ELMO1: variants seen among roughly 807,000 people sequenced by gnomAD.
ELMO1 encodes engulfment and cell motility 1.
ELMO1 carries 26 observed loss-of-function variants against 98.9 expected under a neutral mutation model. That is an observed-to-expected ratio of 0.26 (90% CI 0.19 to 0.36). The LOEUF (loss-of-function observed/expected upper bound fraction) is 0.36, where lower values mean the gene tolerates loss of function less well. Ranked by LOEUF, ELMO1 falls within the 10% of genes least tolerant of loss-of-function variation. The pLI, the probability that ELMO1 is intolerant of heterozygous loss-of-function variation, is 1.00. For synonymous variants in ELMO1, 346 were observed against 346.0 expected (o/e 1.00, Z 0.00); for missense variants, 627 against 935.2 (o/e 0.67, Z 4.30).
chr7:37,181,844 G>A (rs750781071), intron 13 of ELMO1, among the ~76,000 whole-genome samples: 5 of 152,078 alleles, frequency 3.3e-5, no homozygotes, highest in Non-Finnish European at 5.9e-5. Flanking sequence ...TGTAACTTAT[G>A]GTTGCAACAG....
At chr7:36,913,218 G>A (rs1784456977) in intron 16 of ELMO1, among the ~76,000 whole-genome samples, 1 of 152,218 alleles carries the variant, frequency 6.6e-6, no homozygotes. Context: ...AACCTAGTAT[G>A]TGGCAAGTAC....
chr7:37,290,109 T>C (rs563500529), intron 4 of ELMO1, among the ~76,000 whole-genome samples: 2 of 152,350 alleles, frequency 1.3e-5, no homozygotes, highest in East Asian at 3.9e-4. Flanking sequence ...AAAGCATTTA[T>C]TTTATAGACT....
intron 10 of ELMO1, among the ~76,000 whole-genome samples, chr7:37,219,092 G>A (rs562699858): frequency 3.0e-4 from 46 of 152,230 alleles, no homozygotes; most frequent in African/African-American, 8.4e-4. Context: ...CCTTCCCTCC[G>A]TTTGTGCCAG....
rs182342560 is a variant in ELMO1 at position 37,190,735 on chromosome 7, G to A, written c.1086+20651C>T. On this transcript the variant is annotated intron_variant, in intron 13 of 21. Transcript: ENST00000310758. ...GGCTGGTGTCAAACTCCTGACCTCA[G>A]GTGATCTGCCCACATCAGCCTCCCA... 5.9e-5 allele frequency among the ~76,000 whole-genome samples: 9 copies of A among 152,164 alleles called. No individual in the cohort carries two copies. The East Asian group carries it at 1.8e-3, about 30-fold the overall frequency.
chr7:37,171,481 C>CTTTTTTTTTTTTTTT lies in ELMO1; in HGVS notation c.1087-38248_1087-38247insAAAAAAAAAAAAAAA, dbSNP rs71553100. Among the ~76,000 whole-genome samples, 4 of 44,292 alleles carry CTTTTTTTTTTTTTTT rather than the reference C, an allele frequency of 9.0e-5. 1 individual carries two copies. The highest frequency in any genetic ancestry group is 3.2e-4 in the Admixed American group (1 of 3,134). 29.1% of individuals were successfully genotyped at this position (44,292 alleles called of 152,430 possible). A position where few individuals can be genotyped will look rare whatever the true frequency, so the allele number is the denominator to read the frequency against. ...AGTTTATTCTTGTAACCAGGCCTTT[C>CTTTTTTTTTTTTTTT]TATTTTTTTTTTTTTTTTTTTTTTT... On this transcript the variant is annotated intron_variant, in intron 13 of 21. Transcript: ENST00000310758.
chr7:37,272,150 C>T (rs111697262), intron 4 of ELMO1, among the ~76,000 whole-genome samples: 3 of 152,248 alleles, frequency 2.0e-5, no homozygotes, highest in African/African-American at 7.2e-5. Flanking sequence ...GGCATATGAC[C>T]TGACTCCTAC....
At position 37,420,295 on chromosome 7, in the gene ELMO1, A is replaced by G. The variant is rs149501895; in HGVS notation, c.-74+28380T>C. 3.3e-5 allele frequency among the ~76,000 whole-genome samples: 5 copies of G among 152,360 alleles called. No homozygotes were observed. In the East Asian group the frequency reaches 9.6e-4, roughly 29 times the overall value. On this transcript the variant is annotated intron_variant, in intron 1 of 21. Transcript: ENST00000310758. ...GGTTTTATTAGGTAGTAAGAAGGGGAAAAACACATTTTATACTTGGACATT... is the reference window on the plus strand; with the variant it reads ...GGTTTTATTAGGTAGTAAGAAGGGGGAAAACACATTTTATACTTGGACATT...
chr7:37,248,786 G>A (rs1384238970), intron 6 of ELMO1, among the ~76,000 whole-genome samples: 1 of 152,244 alleles, frequency 6.6e-6, no homozygotes, highest in Admixed American at 6.5e-5. Flanking sequence ...GCTTTGGCCT[G>A]CACTGGACCT....
In ELMO1 at chr7:37,293,255, T is replaced by C. The variant is rs374671438; in HGVS notation, c.193-21373A>G. ...CATTGAGAATGGGCCATGATGACAA[T>C]GGCGGTTTTGTAGAATAGAAAGGGG... On this transcript the variant is annotated intron_variant, in intron 4 of 21. Coordinates refer to ENST00000310758, the MANE Select transcript of ELMO1 (RefSeq NM_014800.11). Among the ~76,000 whole-genome samples, 26 of 136,126 alleles carry C rather than the reference T, an allele frequency of 1.9e-4. No homozygotes were observed. The East Asian group carries it at 4.5e-3, about 24-fold the overall frequency. The allele number at this position is 136,126 out of a possible 152,430, so 89.3% of individuals were successfully genotyped here.
At chr7:36,868,136 T>A (rs892608591) in intron 20 of ELMO1, among the ~76,000 whole-genome samples, 1 of 152,174 alleles carries the variant, frequency 6.6e-6, no homozygotes, top group African/African-American at 2.4e-5. Flanking sequence ...AATGAATTTG[T>A]TTATTTCTCC....
At chr7:37,201,317 TAC>T (rs1563073806) in intron 13 of ELMO1, among the ~76,000 whole-genome samples, 2 of 152,202 alleles carry the variant, frequency 1.3e-5, no homozygotes, top group African/African-American at 2.4e-5. Context: ...AACCCCCAAA[TAC>T]ATTATTATTG....
chr7:37,447,993 G>A (rs1269669407), intron 1 of ELMO1, among the ~76,000 whole-genome samples: 2 of 151,842 alleles, frequency 1.3e-5, no homozygotes, highest in African/African-American at 2.4e-5. Context: ...GCTCCCCGCC[G>A]CCTCTCTCGG....
rs139797629 is a variant in ELMO1 at position 36,993,950 on chromosome 7, G to T, written c.1437+19349C>A. The stretch of plus-strand genomic sequence containing the variant: ...GAATAAGTGCTCTTGCTTATGTTTT[G>T]TGAGAGTCTATTGTGTTGGACCTCT... On this transcript the variant is annotated intron_variant, in intron 16 of 21. Coordinates refer to ENST00000310758, the MANE Select transcript of ELMO1 (RefSeq NM_014800.11). Among the ~76,000 whole-genome samples the T allele has an allele frequency of 5.6e-3, 847 of 152,288 alleles. 8 individuals carry two copies. Among genetic ancestry groups the T allele is most frequent in the African/African-American group, 0.02 (819 of 41,554 alleles).
intron 16 of ELMO1, among the ~76,000 whole-genome samples, chr7:36,943,716 T>C (rs1467185627): frequency 1.3e-5 from 2 of 152,268 alleles, no homozygotes; most frequent in African/African-American, 4.8e-5. Flanking sequence ...ATATTACTTT[T>C]AGTTTTCAGA....
At chr7:37,252,560 C>T (rs1795410376) in intron 6 of ELMO1, among the ~76,000 whole-genome samples, 2 of 152,192 alleles carry the variant, frequency 1.3e-5, no homozygotes, top group Non-Finnish European at 2.9e-5. Context: ...CACTTCCTTA[C>T]ACCTTATACA....
intron 13 of ELMO1, among the ~76,000 whole-genome samples, chr7:37,139,277 A>G (rs1446397279): frequency 6.6e-6 from 1 of 152,230 alleles, no homozygotes; most frequent in Non-Finnish European, 1.5e-5. Context: ...GAGGAAGTCA[A>G]ATTGTCACTG....
intron 4 of ELMO1, among the ~76,000 whole-genome samples, chr7:37,307,005 C>T (rs1798646350): frequency 6.6e-6 from 1 of 152,166 alleles, no homozygotes; most frequent in African/African-American, 2.4e-5. Context: ...GAATTGTTAT[C>T]AACCCAATCT....
At chr7:37,087,256 A>G (rs913530893) in intron 15 of ELMO1, among the ~76,000 whole-genome samples, 1 of 152,156 alleles carries the variant, frequency 6.6e-6, no homozygotes, top group Admixed American at 6.5e-5. Flanking sequence ...AGTTTAAAAT[A>G]TTTGTTTCTA....
At chr7:37,346,888 C>G (rs1247136049) in intron 1 of ELMO1, among the ~76,000 whole-genome samples, 1 of 152,146 alleles carries the variant, frequency 6.6e-6, no homozygotes, top group Non-Finnish European at 1.5e-5. Flanking sequence ...TTTCTCAGAC[C>G]GTTCAGGGAA....
Sources: allele counts gnomAD v4.1 joint callset (sites outside exome capture counted in the v4.1 genomes callset), GRCh38; gene constraint gnomAD v4.1.1; transcripts MANE v1.5; gene names NCBI Gene and HGNC (gene_info 2026-07-23, HGNC 2026-07-21).